Variants in OTOGL observed in about 807,000 individuals in gnomAD.
The protein encoded by OTOGL is otogelin-like protein.
In OTOGL, 285 loss-of-function variants were observed where a neutral mutation model predicts 318.5. The observed-to-expected ratio is 0.89, with a 90% CI of 0.81 to 0.99. OTOGL has a LOEUF of 0.99. Among genes scored for constraint, OTOGL ranks in the 50% least tolerant of loss-of-function variants. The pLI, the probability that OTOGL is intolerant of heterozygous loss-of-function variation, is 0.00. For synonymous variants in OTOGL, 987 were observed against 936.5 expected (o/e 1.05, Z -0.99); for missense variants, 2,899 against 2,845.6 (o/e 1.02, Z -0.43).
chr12:80,114,608 G>A (rs148844460), intron 1 of OTOGL, among the ~76,000 whole-genome samples: 5,165 of 152,110 alleles, frequency 0.034, 146 homozygotes, highest in Middle Eastern at 0.061. Flanking sequence ...TGCTCTTCTC[G>A]AGGAGTGTCT....
intron 19 of OTOGL, 135 bp from the exon 20 acceptor site, chr12:80,264,866 T>C: frequency 1.1e-6 from 1 of 930,412 alleles, no homozygotes; most frequent in Non-Finnish European, 1.6e-6. Flanking sequence ...ACAAAAACTG[T>C]ATAAGCTGAA....
At chr12:80,303,384 T>C (rs1885901951) in intron 28 of OTOGL, among the ~76,000 whole-genome samples, 1 of 152,196 alleles carries the variant, frequency 6.6e-6, no homozygotes, top group Admixed American at 6.5e-5. Context: ...CTTGATCTCC[T>C]GACCTCATGA....
chr12:80,145,152 A>G (rs1200785798), intron 1 of OTOGL, among the ~76,000 whole-genome samples: 1 of 150,976 alleles, frequency 6.6e-6, no homozygotes, highest in Non-Finnish European at 1.5e-5. Context: ...CCTGAATGGT[A>G]TTGCCTAGGT....
chr12:80,325,909 G>C (rs1264077412), intron 35 of OTOGL, among the ~76,000 whole-genome samples: 2 of 152,182 alleles, frequency 1.3e-5, no homozygotes, highest in African/African-American at 4.8e-5. Context: ...CTCTGGGGTG[G>C]TGGAACCCAG....
intron 1 of OTOGL, chr12:80,103,201 G>C (rs953941348): frequency 7.1e-7 from 1 of 1,406,298 alleles, no homozygotes; most frequent in African/African-American, 1.4e-5. Flanking sequence ...GGCATGGATC[G>C]CTCGTTGTAC....
intron 1 of OTOGL, among the ~76,000 whole-genome samples, chr12:80,119,473 A>G (rs1870359630): frequency 2.0e-5 from 3 of 152,222 alleles, no homozygotes. Flanking sequence ...ATTGTATATA[A>G]TATAATCACA....
In OTOGL at chr12:80,255,091, A is replaced by C. The variant is rs777352953; in HGVS notation, c.1493A>C (p.His498Pro). ...CACTTTACAACTTTTGATGGTCGACATTATTCTTTTATTGGCATGTGCCAA... is the reference window on the plus strand; with the variant it reads ...CACTTTACAACTTTTGATGGTCGACCTTATTCTTTTATTGGCATGTGCCAA... Reference protein sequence around the residue: ...DSHFTTFDGRHYSFIGMCQYI... With the variant: ...DSHFTTFDGRPYSFIGMCQYI... The change falls in exon 16 of 59, where the codon CAT (histidine) becomes CCT (proline). Residue 498 changes from histidine (H) to proline (P), a missense_variant. By Grantham distance (77) the His-to-Pro change is moderately conservative. This residue lies in a region of OTOGL where 2,607 missense variants were observed against 2,524.9 expected (regional missense o/e 1.03). Transcript: ENST00000547103. 41 of 1,526,482 alleles carry C rather than the reference A, an allele frequency of 2.7e-5. No individual in the cohort carries two copies. Among genetic ancestry groups the C allele is most frequent in the Non-Finnish European group, 3.0e-5 (34 of 1,139,014 alleles). 94.6% of individuals were successfully genotyped at this position (1,526,482 alleles called of 1,614,324 possible).
chr12:80,265,056 C>T lies in OTOGL; in HGVS notation c.2070C>T (p.His690=). The change falls in exon 20 of 59, where the codon CAC becomes CAT. Residue 690 remains histidine, a synonymous_variant. Coordinates refer to ENST00000547103, the MANE Select transcript of OTOGL (RefSeq NM_001378609.3). ...ACCAGGAGCTCTTTGCTCCTTGCCA[C>T]ATCTATATTAGCCCTGGGCTGTACT... The part of the protein sequence containing the change: ...VIHQELFAPC[H]IYISPGLYYQ... 1 of 1,613,896 alleles carries T rather than the reference C, an allele frequency of 6.2e-7. No individual in the cohort carries two copies.
intron 28 of OTOGL, among the ~76,000 whole-genome samples, chr12:80,304,532 A>C (rs1885983416): frequency 6.6e-6 from 1 of 152,206 alleles, no homozygotes; most frequent in Non-Finnish European, 1.5e-5. Flanking sequence ...ATTTTTAAAA[A>C]AGATTTTAAT....
intron 18 of OTOGL, among the ~76,000 whole-genome samples, chr12:80,260,487 T>A (rs917391812): frequency 3.9e-5 from 6 of 152,114 alleles, no homozygotes; most frequent in African/African-American, 1.4e-4. Flanking sequence ...CATTTAGGTG[T>A]GATAAGAGTG....
At chr12:80,271,308 T>C (rs571603987) in intron 23 of OTOGL, among the ~76,000 whole-genome samples, 25 of 152,218 alleles carry the variant, frequency 1.6e-4, no homozygotes, top group Admixed American at 1.4e-3. Flanking sequence ...ACTTCTGTGG[T>C]ATAGTGAGAA....
At chr12:80,125,447 T>C (rs1346110358) in intron 1 of OTOGL, among the ~76,000 whole-genome samples, 4 of 152,204 alleles carry the variant, frequency 2.6e-5, no homozygotes, top group African/African-American at 2.4e-5. Context: ...TGCCAGTATT[T>C]TATTGAGGAT....
chr12:80,185,210 G>C (rs1404229596), intron 1 of OTOGL, among the ~76,000 whole-genome samples: 1 of 152,256 alleles, frequency 6.6e-6, no homozygotes, highest in African/African-American at 2.4e-5. Flanking sequence ...CAGAGAGGAA[G>C]TAGGCATAGT....
At chr12:80,316,953 C>T (rs1887009801) in intron 32 of OTOGL, among the ~76,000 whole-genome samples, 1 of 152,066 alleles carries the variant, frequency 6.6e-6, no homozygotes, top group African/African-American at 2.4e-5. Flanking sequence ...ATTTAAAGCA[C>T]ATACATAAAT....
In OTOGL at chr12:80,211,982, TCTTTTAGCAGCACAGG is replaced by T. The variant is rs1472352704; in HGVS notation, c.154_168+1del. 6.3e-7 allele frequency: 1 copy of T among 1,577,958 alleles called. No individual in the cohort carries two copies. Among genetic ancestry groups the T allele is most frequent in the Non-Finnish European group, 8.6e-7 (1 of 1,168,552 alleles). On this transcript the variant is annotated splice_donor_variant and coding_sequence_variant, in exon 4 of 59. Coordinates refer to ENST00000547103, the MANE Select transcript of OTOGL (RefSeq NM_001378609.3). LOFTEE classifies it high-confidence loss of function. ...TTAATGAAAATCGACAGAAAAGAGC[TCTTTTAGCAGCACAGG>T]TAGGTTATGCTTCAGGTGGAGAGAG...
chr12:80,362,389 A>G (rs935208192), intron 52 of OTOGL, among the ~76,000 whole-genome samples: 4 of 152,128 alleles, frequency 2.6e-5, no homozygotes, highest in Non-Finnish European at 4.4e-5. Context: ...GCAGCTTTGT[A>G]GTACATTTTG....
In OTOGL at chr12:80,147,903, G is replaced by T. The variant is rs1275290971; in HGVS notation, c.-20+48298G>T. On this transcript the variant is annotated intron_variant, in intron 1 of 58. Coordinates refer to ENST00000547103, the MANE Select transcript of OTOGL (RefSeq NM_001378609.3). ...CCCTGCCTTTTTTTGTTCTCCATTT[G>T]CTTGGTAGATCTTCCTCCATCCTTT... 2.6e-5 allele frequency among the ~76,000 whole-genome samples: 4 copies of T among 152,034 alleles called. No homozygotes were observed. In the South Asian group the frequency reaches 6.3e-4, roughly 24 times the overall value.
chr12:80,140,930 C>T lies in OTOGL; in HGVS notation c.-20+41325C>T, dbSNP rs186934677. Among the ~76,000 whole-genome samples, 9 of 152,160 alleles carry T rather than the reference C, an allele frequency of 5.9e-5. No homozygotes were observed. In the East Asian group the frequency reaches 1.5e-3, roughly 26 times the overall value. ...TATGAAATAAGTGTACATAGAATAA[C>T]TTCTTTATGTTCAACTAACTTACCA... is the stretch of plus-strand genomic sequence containing the variant. On this transcript the variant is annotated intron_variant, in intron 1 of 58. Coordinates refer to ENST00000547103, the MANE Select transcript of OTOGL (RefSeq NM_001378609.3).
At chr12:80,305,740 G>T in intron 29 of OTOGL, 45 bp downstream of exon 29, 1 of 1,362,088 alleles carries the variant, frequency 7.3e-7, no homozygotes, top group Non-Finnish European at 9.5e-7. Flanking sequence ...AAATTTTTAA[G>T]AATATTTTTT....
Sources: gnomAD v4.1 joint callset for allele counts (sites outside exome capture counted in the v4.1 genomes callset) on GRCh38, gnomAD v4.1.1 for gene constraint, gnomAD v4.1.1 regional missense constraint, MANE v1.5 for transcripts, NCBI Gene and HGNC (gene_info 2026-07-23, HGNC 2026-07-21) for gene names.